MAEA: variants seen among roughly 807,000 people sequenced by gnomAD.
MAEA encodes the protein macrophage erythroblast attacher, E3 ubiquitin ligase.
Under a neutral mutation model 46.2 loss-of-function variants are expected in MAEA, and 22 were observed. The ratio of observed to expected loss-of-function variants is 0.48; its 90% CI spans 0.34 to 0.68. MAEA has a LOEUF of 0.68. Among genes scored for constraint, MAEA ranks in the 30% least tolerant of loss-of-function variants. MAEA has a pLI of 0.01. For synonymous variants in MAEA, 246 were observed against 222.6 expected (o/e 1.11, Z -0.94); for missense variants, 393 against 558.1 (o/e 0.70, Z 2.98).
intron 1 of MAEA, among the ~76,000 whole-genome samples, chr4:1,304,472 G>A (rs1735641146): frequency 6.6e-6 from 1 of 151,982 alleles, no homozygotes; most frequent in Non-Finnish European, 1.5e-5. Context: ...ACGGAGTCTC[G>A]CACTGTCGCC....
At chr4:1,321,861 G>GTTTTTTT (rs1240201773) in intron 3 of MAEA, among the ~76,000 whole-genome samples, 2 of 134,862 alleles carry the variant, frequency 1.5e-5, no homozygotes, top group Non-Finnish European at 3.1e-5. Context: ...GGGTTACTCT[G>GTTTTTTT]TTTTTTTTGT....
chr4:1,313,948 C>T (rs940750378), intron 2 of MAEA, among the ~76,000 whole-genome samples: 5 of 148,472 alleles, frequency 3.4e-5, no homozygotes, highest in East Asian at 2.0e-4. Context: ...GCAGGAGAAT[C>T]GCTTGAGCCC....
intron 4 of MAEA, among the ~76,000 whole-genome samples, chr4:1,323,899 C>T (rs182785601): frequency 1.3e-5 from 2 of 152,160 alleles, no homozygotes; most frequent in African/African-American, 2.4e-5. Context: ...ACGAGTGTGC[C>T]TGGTGTTGGA....
intron 5 of MAEA, chr4:1,329,651 C>T: frequency 3.0e-6 from 3 of 985,566 alleles, no homozygotes; most frequent in Non-Finnish European, 3.6e-6. Context: ...AGTCCGGCCT[C>T]AGCTCAGCGT....
In MAEA at chr4:1,311,576, C is replaced by T. The variant is rs1014124229; in HGVS notation, c.70-403C>T. 3.9e-5 allele frequency among the ~76,000 whole-genome samples: 6 copies of T among 152,204 alleles called. No individual in the cohort carries two copies. Among genetic ancestry groups the T allele is most frequent in the African/African-American group, 4.8e-5 (2 of 41,524 alleles). On this transcript the variant is annotated intron_variant, in intron 1 of 8. Transcript: ENST00000303400. This position sits in a 1 kb window ranked among gnomAD's most constrained non-coding sequence, Gnocchi z 4.4. ...CCCTTGTCCCTGCCCGGCCTGGCCT[C>T]GTGTGGTGGCGCCTGCAGCCGCAGC... is the stretch of plus-strand genomic sequence containing the variant.
intron 3 of MAEA, among the ~76,000 whole-genome samples, chr4:1,318,386 A>G (rs1737588112): frequency 6.6e-6 from 1 of 152,216 alleles, no homozygotes; most frequent in Admixed American, 6.5e-5. Flanking sequence ...CACGCGTTCC[A>G]CAGAAGTGCG....
At chr4:1,307,741 C>T (rs1254754862) in intron 1 of MAEA, among the ~76,000 whole-genome samples, 4 of 152,200 alleles carry the variant, frequency 2.6e-5, no homozygotes, top group East Asian at 1.9e-4. Context: ...ATCCAAAGGC[C>T]AGAGACCCTG....
chr4:1,337,759 G>A lies in MAEA; in HGVS notation c.900-663G>A, dbSNP rs1342547655. The A allele has an allele frequency of 9.3e-5, 16 of 171,350 alleles. No individual in the cohort carries two copies. In the East Asian group the frequency reaches 1.7e-3, roughly 18 times the overall value. 10.6% of individuals were successfully genotyped at this position (171,350 alleles called of 1,614,324 possible). A position where few individuals can be genotyped will look rare whatever the true frequency, so the allele number is the denominator to read the frequency against. ...GACTGTCTCACCTGTGACTGACTCC[G>A]TCCTGCCTGTGACTCAGCCTCTTAC... On this transcript the variant is annotated intron_variant, in intron 7 of 8. Transcript: ENST00000303400.
chr4:1,297,944 C>G (rs542292190), intron 1 of MAEA: 3 of 453,866 alleles, frequency 6.6e-6, no homozygotes, highest in Non-Finnish European at 1.3e-5. Flanking sequence ...TCTCTGCTTC[C>G]CATTGTTCTA....
chr4:1,316,307 A>C (rs191147636), intron 3 of MAEA, among the ~76,000 whole-genome samples: 2 of 150,058 alleles, frequency 1.3e-5, no homozygotes, highest in Admixed American at 6.8e-5. Flanking sequence ...CCTCTCTGCC[A>C]TCGGGCAGTT....
chr4:1,306,746 T>C (rs184645820), intron 1 of MAEA, among the ~76,000 whole-genome samples: 56 of 152,366 alleles, frequency 3.7e-4, no homozygotes, highest in East Asian at 3.9e-4. Context: ...ACATTTTGTA[T>C]CCTTCTAAGA....
intron 3 of MAEA, among the ~76,000 whole-genome samples, chr4:1,321,001 A>G (rs1738014166): frequency 6.6e-6 from 1 of 152,186 alleles, no homozygotes; most frequent in African/African-American, 2.4e-5. Flanking sequence ...CCGGGAGGCC[A>G]AGGCAGGAGA....
chr4:1,335,041 C>A (rs1486774953), intron 6 of MAEA: 2 of 985,324 alleles, frequency 2.0e-6, no homozygotes, highest in South Asian at 4.7e-5. Context: ...CCGTCTCCCC[C>A]CAAGCTAGAG....
intron 5 of MAEA, chr4:1,332,144 T>C (rs1711915232): frequency 6.6e-6 from 1 of 152,196 alleles, no homozygotes; most frequent in South Asian, 2.1e-4. Flanking sequence ...CTGGGGAGAG[T>C]GGGAATCCTC....
intron 1 of MAEA, among the ~76,000 whole-genome samples, chr4:1,294,593 C>T (rs571014977): frequency 7.3e-5 from 11 of 151,722 alleles, no homozygotes; most frequent in African/African-American, 1.7e-4. Flanking sequence ...TACCCCCCTC[C>T]GCAGCAGTGG....
intron 7 of MAEA, chr4:1,337,338 C>A (rs1712910114): frequency 3.1e-6 from 1 of 320,722 alleles, no homozygotes; most frequent in Non-Finnish European, 6.0e-6. Flanking sequence ...AGAACCTTGC[C>A]TGTGACTGAC....
At chr4:1,300,580 C>T (rs12503555) in intron 1 of MAEA, among the ~76,000 whole-genome samples, 13,559 of 152,348 alleles carry the variant, frequency 0.089, 1,283 homozygotes, top group East Asian at 0.42. Flanking sequence ...GGCCCCGGCT[C>T]TTCCGTGCTG....
Position 1,301,856 on chromosome 4 carries a change from G to T in MAEA, c.70-10123G>T, listed in dbSNP as rs77796282. ...ATGACCGAATAGACCTATAACAGGT[G>T]AAGTTACTACAAAAAACCTCACAAA... On this transcript the variant is annotated intron_variant, in intron 1 of 8. Transcript: ENST00000303400. Among the ~76,000 whole-genome samples the T allele has an allele frequency of 3.7e-3, 565 of 152,354 alleles. 1 individual carries two copies. The highest frequency in any genetic ancestry group is 0.013 in the African/African-American group (524 of 41,574).
At chr4:1,305,272 C>A (rs1282306660) in intron 1 of MAEA, among the ~76,000 whole-genome samples, 3 of 152,184 alleles carry the variant, frequency 2.0e-5, no homozygotes, top group Non-Finnish European at 4.4e-5. Flanking sequence ...GCAAGTGGTC[C>A]CTGTGGAAAG....
Sources: allele counts gnomAD v4.1 joint callset (sites outside exome capture counted in the v4.1 genomes callset), GRCh38; gene constraint gnomAD v4.1.1; non-coding constraint Gnocchi (gnomAD v3.1); transcripts MANE v1.5; gene names NCBI Gene and HGNC (gene_info 2026-07-23, HGNC 2026-07-21).